Variants in SSBP3 observed in about 807,000 individuals in gnomAD.
SSBP3 encodes the protein single-stranded DNA-binding protein 3.
In SSBP3, 5 loss-of-function variants were observed where a neutral mutation model predicts 69.6. The observed-to-expected ratio is 0.07, with a 90% CI of 0.04 to 0.15. The LOEUF is 0.15. SSBP3 is among the 10% of genes least tolerant of loss of function. The probability of loss-of-function intolerance (pLI) is 1.00; values close to 1 mark genes in which losing one functional copy is unlikely to be tolerated. For missense variants in SSBP3, 312 were observed against 534.0 expected (o/e 0.58, Z 4.10); for synonymous variants, 196 against 193.4 (o/e 1.01, Z -0.11).
intron 7 of SSBP3, among the ~76,000 whole-genome samples, chr1:54,256,525 T>C (rs1644923885): frequency 6.6e-6 from 1 of 151,674 alleles, no homozygotes; most frequent in African/African-American, 2.4e-5. Flanking sequence ...CAGGCAAAAA[T>C]CCCTCCCCGT....
intron 4 of SSBP3, among the ~76,000 whole-genome samples, chr1:54,308,418 G>A (rs1645938185): frequency 6.6e-6 from 1 of 152,036 alleles, no homozygotes; most frequent in South Asian, 2.1e-4. Flanking sequence ...TGGCTAACAT[G>A]GTGAAACCCC....
Position 54,397,397 on chromosome 1 carries a change from T to A in SSBP3, c.276+4464A>T, listed in dbSNP as rs61776546. On this transcript the variant is annotated intron_variant, in intron 4 of 17. Coordinates refer to ENST00000610401, the Ensembl canonical transcript of SSBP3. The stretch of plus-strand genomic sequence containing the variant: ...GCTATTTCAAACCCACCAAGGACGC[T>A]GGACCCCTGCCACACAGCCACAAAT... 6.3e-3 allele frequency among the ~76,000 whole-genome samples: 958 copies of A among 152,322 alleles called. 4 individuals are homozygous for A. The highest frequency in any genetic ancestry group is 9.8e-3 in the Non-Finnish European group (668 of 68,022).
intron 4 of SSBP3, among the ~76,000 whole-genome samples, chr1:54,391,787 G>A (rs529151605): frequency 3.7e-4 from 56 of 152,252 alleles, no homozygotes; most frequent in Non-Finnish European, 6.2e-4. Context: ...GGTCAACCTC[G>A]GTCAGACAGG....
chr1:54,368,439 C>T (rs58132017), intron 4 of SSBP3, among the ~76,000 whole-genome samples: 5,255 of 151,198 alleles, frequency 0.035, 295 homozygotes, highest in African/African-American at 0.11. Flanking sequence ...GGGACTTGTT[C>T]GTGGATTGCC....
At chr1:54,296,845 C>A (rs907217964) in intron 4 of SSBP3, among the ~76,000 whole-genome samples, 21 of 152,170 alleles carry the variant, frequency 1.4e-4, no homozygotes, top group African/African-American at 5.1e-4. Context: ...GCAGACCAGA[C>A]TCCCAGAGCC....
At chr1:54,398,164 C>T (rs993871381) in intron 4 of SSBP3, among the ~76,000 whole-genome samples, 2 of 152,190 alleles carry the variant, frequency 1.3e-5, no homozygotes, top group African/African-American at 4.8e-5. Flanking sequence ...GGACAAGCCA[C>T]CTAAACTCTA....
At chr1:54,372,837 G>C (rs1647156697) in intron 4 of SSBP3, among the ~76,000 whole-genome samples, 1 of 152,202 alleles carries the variant, frequency 6.6e-6, no homozygotes. Context: ...AATTAACCCA[G>C]GGCCACACAG....
chr1:54,238,580 TA>T (rs1646114937), intron 14 of SSBP3: 1 of 337,740 alleles, frequency 3.0e-6, no homozygotes. Context: ...GGGCAAGCAG[TA>T]ATCAGAAATG....
At position 54,240,095 on chromosome 1, in the gene SSBP3, CGCGCGT is replaced by C. The variant is rs1171916511; in HGVS notation, c.856+804_856+809del. 3.1e-4 allele frequency among the ~76,000 whole-genome samples: 4 copies of C among 12,970 alleles called. 1 individual carries two copies. The highest frequency in any genetic ancestry group is 2.2e-3 in the Admixed American group (2 of 918). The allele number at this position is 12,970 out of a possible 152,430, so 8.5% of individuals were successfully genotyped here. A position where few individuals can be genotyped will look rare whatever the true frequency, so the allele number is the denominator to read the frequency against. On this transcript the variant is annotated intron_variant, in intron 13 of 17. Transcript: ENST00000610401. ...GTGTGTGTGTGTGTGTGTGCGCGCG[CGCGCGT>C]GTGCGTGCGCGCGCGCGCGCAACAC...
At chr1:54,375,758 GC>G (rs1647210640) in intron 4 of SSBP3, among the ~76,000 whole-genome samples, 1 of 152,202 alleles carries the variant, frequency 6.6e-6, no homozygotes, top group South Asian at 2.1e-4. Context: ...CACAGCCAGA[GC>G]CTTCCTCTGG....
chr1:54,398,608 G>A (rs1649064580), intron 4 of SSBP3, among the ~76,000 whole-genome samples: 1 of 152,134 alleles, frequency 6.6e-6, no homozygotes, highest in South Asian at 2.1e-4. Context: ...GTGTCTAAGA[G>A]AACCCAAAGA....
rs776244800 is a variant in SSBP3 at position 54,243,232 on chromosome 1, T to C, written c.716+3A>G. 2.5e-6 allele frequency: 4 copies of C among 1,613,506 alleles called. No homozygotes were observed. The highest frequency in any genetic ancestry group is 3.3e-5 in the Admixed American group (2 of 59,984). ...GCCACGGGCCGGGTCGTTTTTGCCT[T>C]ACATGTTAATCCCGGGCATGGCGGG... On this transcript the variant is annotated splice_donor_region_variant and intron_variant, in intron 10 of 17. Coordinates refer to ENST00000610401, the Ensembl canonical transcript of SSBP3.
At position 54,240,897 on chromosome 1, in the gene SSBP3, G is replaced by C; in HGVS notation, c.856+8C>G. Reference sequence around the variant, plus strand: ...CAGACCCCCCACTTTCCCCTCAAGCGCTCTTACCTGCGGGACTGGGCATAA... The same window carrying C: ...CAGACCCCCCACTTTCCCCTCAAGCCCTCTTACCTGCGGGACTGGGCATAA... On this transcript the variant is annotated splice_region_variant and intron_variant, in intron 13 of 17. Transcript: ENST00000610401. 1 of 1,612,278 alleles carries C rather than the reference G, an allele frequency of 6.2e-7. No individual in the cohort carries two copies. The highest frequency in any genetic ancestry group is 8.5e-7 in the Non-Finnish European group (1 of 1,179,058).
chr1:54,241,506 G>C lies in SSBP3; in HGVS notation c.769C>G (p.Pro257Ala). ...GTACCAGGTGATGAGGAGGAGTATGGAATCTAAAAACAAGATGTCAGGGAG... is the reference window on the plus strand; with the variant it reads ...GTACCAGGTGATGAGGAGGAGTATGCAATCTAAAAACAAGATGTCAGGGAG... Residue 257 changes from proline (P) to alanine (A), a missense_variant, in exon 12 of 18, where the codon CCA (proline) becomes GCA (alanine). Pro to Ala is a conservative substitution (Grantham distance 27). Transcript: ENST00000610401. The C allele has an allele frequency of 2.5e-6, 4 of 1,614,052 alleles. No homozygotes were observed. In the South Asian group the frequency reaches 4.4e-5, roughly 18 times the overall value.
chr1:54,405,941 A>T lies in SSBP3; in HGVS notation c.56+12T>A. The T allele has an allele frequency of 7.4e-7, 1 of 1,354,372 alleles. No individual in the cohort carries two copies. The allele number at this position is 1,354,372 out of a possible 1,614,324, so 83.9% of individuals were successfully genotyped here. ...GCGGCGGCGCGGCCGCCACTTGCAA[A>T]ATAGGGCTTACTTTTCCCGAGCCTG... is the stretch of plus-strand genomic sequence containing the variant. On this transcript the variant is annotated intron_variant, in intron 1 of 17. Coordinates refer to ENST00000610401, the Ensembl canonical transcript of SSBP3.
chr1:54,292,478 GCTGCCCTGGCCA>G (rs1469140054), intron 4 of SSBP3, among the ~76,000 whole-genome samples: 1 of 152,132 alleles, frequency 6.6e-6, no homozygotes, highest in Non-Finnish European at 1.5e-5. Flanking sequence ...TACGGCCCCA[GCTGCCCTGGCCA>G]CTGTGAAGCC....
chr1:54,404,669 G>T, intron 2 of SSBP3, 32 bp from the exon 3 acceptor site: 1 of 1,613,576 alleles, frequency 6.2e-7, no homozygotes. Context: ...CAGCTTAGAG[G>T]AGCAGAGACG....
At chr1:54,228,752 T>A in exon 15 of SSBP3, 1 of 1,602,254 alleles carries the variant, frequency 6.2e-7, no homozygotes, top group Non-Finnish European at 8.5e-7. Context: ...ACTCACCTAA[T>A]GATCCATTCA....
At chr1:54,354,997 C>T (rs757496680) in intron 4 of SSBP3, among the ~76,000 whole-genome samples, 6 of 152,292 alleles carry the variant, frequency 3.9e-5, no homozygotes, top group South Asian at 4.1e-4. Flanking sequence ...TTACTGCCCT[C>T]GACACAAGGT....
Sources: allele counts gnomAD v4.1 joint callset (sites outside exome capture counted in the v4.1 genomes callset), GRCh38; gene constraint gnomAD v4.1.1; transcripts MANE v1.5; gene names NCBI Gene and HGNC (gene_info 2026-07-23, HGNC 2026-07-21).